NDUFC1: variants seen among roughly 807,000 people sequenced by gnomAD.
NDUFC1 encodes NADH dehydrogenase [ubiquinone] 1 subunit C1, mitochondrial.
Under a neutral mutation model 11.6 loss-of-function variants are expected in NDUFC1, and 11 were observed. The ratio of observed to expected loss-of-function variants is 0.95; its 90% CI spans 0.60 to 1.58. NDUFC1 has a LOEUF of 1.58. NDUFC1 is among the 40% of genes most tolerant of loss of function. NDUFC1 has a pLI of 0.00. For synonymous variants in NDUFC1, 52 were observed against 42.2 expected, an observed-to-expected ratio of 1.23 and a Z score of -0.90; for missense variants, 112 against 93.0, an observed-to-expected ratio of 1.20 and a Z score of -0.84.
intron 2 of NDUFC1, among the ~76,000 whole-genome samples, chr4:139,297,008 T>C (rs796399899): frequency 5.9e-5 from 9 of 152,300 alleles, no homozygotes; most frequent in African/African-American, 2.2e-4. Context: ...GCTAAATGGA[T>C]TGCTAAATTG....
intron 1 of NDUFC1, among the ~76,000 whole-genome samples, chr4:139,297,761 A>C (rs1745529612): frequency 6.6e-6 from 1 of 152,248 alleles, no homozygotes; most frequent in Non-Finnish European, 1.5e-5. Flanking sequence ...TGAGAATACT[A>C]TGAATCAAAC....
At chr4:139,298,438 CAAAAA>C (rs147060181) in intron 1 of NDUFC1, among the ~76,000 whole-genome samples, 6 of 84,332 alleles carry the variant, frequency 7.1e-5, no homozygotes, top group Non-Finnish European at 7.3e-5. Flanking sequence ...AACTCTGTCT[CAAAAA>C]AAAAAAAAAA....
rs1745442627 is a variant in NDUFC1 at position 139,295,787 on chromosome 4, G to C, written c.12C>G (p.Ser4=). The change falls in exon 3 of 6, where the codon TCC becomes TCG. Residue 4 remains serine, a synonymous_variant. Coordinates refer to ENST00000394223, the MANE Select transcript of NDUFC1 (RefSeq NM_001184989.2). MAP[S]ALLRPLSRLL... is the part of the protein sequence containing the mutation. ...GCCGGGAAAGGGGACGCAGCAAGGCGGACGGCGCCATCTTGCGTGGCCCAG... is the reference window on the plus strand; with the variant it reads ...GCCGGGAAAGGGGACGCAGCAAGGCCGACGGCGCCATCTTGCGTGGCCCAG... 6.5e-7 allele frequency: 1 copy of C among 1,546,514 alleles called. No homozygotes were observed. The highest frequency in any genetic ancestry group is 1.4e-5 in the African/African-American group (1 of 72,324).
chr4:139,301,962 C>A, intron 1 of NDUFC1: 2 of 968,948 alleles, frequency 2.1e-6, no homozygotes, highest in East Asian at 2.8e-5. Flanking sequence ...CTCGTCAGGC[C>A]GAATGCATTG....
intron 5 of NDUFC1, among the ~76,000 whole-genome samples, chr4:139,290,741 T>A (rs1331201665): frequency 1.3e-5 from 2 of 151,902 alleles, no homozygotes; most frequent in African/African-American, 4.8e-5. Flanking sequence ...ATATGTACAC[T>A]GTATATGGTA....
intron 1 of NDUFC1, chr4:139,301,219 A>C: frequency 1.9e-5 from 5 of 257,478 alleles, no homozygotes; most frequent in Admixed American, 1.1e-4. Context: ...TTTCCAAGGA[A>C]TGAAAGGTCG....
chr4:139,296,352 C>T (rs1745476935), intron 2 of NDUFC1: 1 of 152,638 alleles, frequency 6.6e-6, no homozygotes, highest in Admixed American at 6.5e-5. Context: ...CACGATCATA[C>T]TGAAGCCTCA....
chr4:139,298,548 G>A (rs1469031582), intron 1 of NDUFC1, among the ~76,000 whole-genome samples: 5 of 151,812 alleles, frequency 3.3e-5, no homozygotes, highest in African/African-American at 1.2e-4. Flanking sequence ...AAGCCCAGGA[G>A]TTCAAGAGTA....
intron 1 of NDUFC1, chr4:139,301,880 C>T: frequency 1.9e-6 from 3 of 1,547,788 alleles, no homozygotes; most frequent in Non-Finnish European, 2.6e-6. Flanking sequence ...AGCCGGTAAC[C>T]GGGCCTGTCA....
chr4:139,300,756 T>C (rs1745678135), intron 1 of NDUFC1: 2 of 152,156 alleles, frequency 1.3e-5, no homozygotes, highest in African/African-American at 4.8e-5. Context: ...TGAAGCCAGC[T>C]CCAGGGTAGT....
At chr4:139,293,685 T>TA (rs1425402699) in intron 4 of NDUFC1, among the ~76,000 whole-genome samples, 3 of 152,198 alleles carry the variant, frequency 2.0e-5, no homozygotes, top group African/African-American at 7.2e-5. Context: ...ACCCATTAGA[T>TA]AAAAAACAAA....
At chr4:139,294,021 A>C (rs1426193459) in intron 4 of NDUFC1, among the ~76,000 whole-genome samples, 2 of 141,144 alleles carry the variant, frequency 1.4e-5, no homozygotes, top group Non-Finnish European at 3.0e-5. Flanking sequence ...GGCTCACTGC[A>C]AGCTCCACCT....
At chr4:139,300,695 C>G (rs1745674784) in intron 1 of NDUFC1, 1 of 152,156 alleles carries the variant, frequency 6.6e-6, no homozygotes, top group African/African-American at 2.4e-5. Flanking sequence ...CTTCTAAGAT[C>G]TGAGAATTTC....
At chr4:139,293,119 CA>C (rs1560939128) in intron 4 of NDUFC1, among the ~76,000 whole-genome samples, 1 of 152,006 alleles carries the variant, frequency 6.6e-6, no homozygotes, top group Non-Finnish European at 1.5e-5. Flanking sequence ...CGCACCTGGC[CA>C]AAAATTTAAA....
intron 3 of NDUFC1, among the ~76,000 whole-genome samples, chr4:139,295,510 C>T (rs1251389610): frequency 6.6e-6 from 1 of 152,176 alleles, no homozygotes; most frequent in Non-Finnish European, 1.5e-5. Flanking sequence ...TTACAAAGGC[C>T]AAGAGTGGTC....
intron 1 of NDUFC1, among the ~76,000 whole-genome samples, chr4:139,299,124 C>T (rs1745599154): frequency 6.6e-6 from 1 of 152,076 alleles, no homozygotes; most frequent in African/African-American, 2.4e-5. Flanking sequence ...CACGCACCAC[C>T]ACACCCGGCT....
At chr4:139,293,487 T>C (rs982554147) in intron 4 of NDUFC1, among the ~76,000 whole-genome samples, 4 of 152,234 alleles carry the variant, frequency 2.6e-5, no homozygotes, top group African/African-American at 9.6e-5. Context: ...TTAAGCTTCT[T>C]GTTAGAGAAA....
At chr4:139,292,164 T>C (rs1745252008) in intron 5 of NDUFC1, among the ~76,000 whole-genome samples, 1 of 152,182 alleles carries the variant, frequency 6.6e-6, no homozygotes, top group African/African-American at 2.4e-5. Context: ...TAAACATACC[T>C]TTCTTTGAAC....
intron 4 of NDUFC1, among the ~76,000 whole-genome samples, chr4:139,293,911 T>A (rs1745338061): frequency 6.7e-6 from 1 of 150,368 alleles, no homozygotes; most frequent in Non-Finnish European, 1.5e-5. Flanking sequence ...CAAGTTTATG[T>A]GTAAAGCATG....
Sources: allele counts gnomAD v4.1 joint callset (sites outside exome capture counted in the v4.1 genomes callset), GRCh38; gene constraint gnomAD v4.1.1; transcripts MANE v1.5; gene names NCBI Gene and HGNC (gene_info 2026-07-23, HGNC 2026-07-21).